Variants in UGT8 observed in about 807,000 individuals in gnomAD.
UGT8 encodes 2-hydroxyacylsphingosine 1-beta-galactosyltransferase.
UGT8 carries 12 observed loss-of-function variants against 40.5 expected under a neutral mutation model. The ratio of observed to expected loss-of-function variants is 0.30; its 90% CI spans 0.19 to 0.48. UGT8 has a LOEUF of 0.48. UGT8 is among the 20% of genes least tolerant of loss of function. UGT8 has a pLI of 0.99. For missense variants in UGT8, 513 were observed against 648.7 expected, an observed-to-expected ratio of 0.79 and a Z score of 2.27; for synonymous variants, 224 against 240.4, an observed-to-expected ratio of 0.93 and a Z score of 0.63.
At chr4:114,619,992 A>G (rs1411807346) in intron 1 of UGT8, among the ~76,000 whole-genome samples, 1 of 151,562 alleles carries the variant, frequency 6.6e-6, no homozygotes, top group African/African-American at 2.4e-5. Flanking sequence ...ATATTAAAAT[A>G]TAAGATAATT....
At chr4:114,660,083 T>C (rs895181984) in intron 2 of UGT8, among the ~76,000 whole-genome samples, 3 of 152,142 alleles carry the variant, frequency 2.0e-5, no homozygotes, top group Non-Finnish European at 4.4e-5. Flanking sequence ...ATTAAAGAAA[T>C]GATGCTGTAA....
intron 1 of UGT8, among the ~76,000 whole-genome samples, chr4:114,612,659 A>G (rs1233974435): frequency 2.6e-5 from 4 of 152,096 alleles, no homozygotes; most frequent in African/African-American, 9.7e-5. Flanking sequence ...GTTATTGATC[A>G]TTTTATTACT....
intron 2 of UGT8, among the ~76,000 whole-genome samples, chr4:114,642,195 G>A (rs35271056): frequency 0.17 from 26,429 of 151,644 alleles, 2,518 homozygotes; most frequent in Middle Eastern, 0.22. Flanking sequence ...CTTTTTCAAC[G>A]TATATTAACC....
intron 1 of UGT8, among the ~76,000 whole-genome samples, chr4:114,620,895 A>C (rs1731743309): frequency 1.3e-5 from 2 of 152,150 alleles, no homozygotes; most frequent in Admixed American, 6.6e-5. Flanking sequence ...TATTCTAAGG[A>C]GTAAAAATAG....
chr4:114,676,978 CAT>C lies in UGT8; in HGVS notation c.*691_*692del, dbSNP rs1464368316. ...AGTATGGCCACTTCTGGGGGAAAAA[CAT>C]GTAATTAAGTAAATGTATACATTGG... On this transcript the variant is annotated 3_prime_UTR_variant, in exon 6 of 6. Transcript: ENST00000310836. The C allele has an allele frequency of 6.6e-6, 1 of 150,960 alleles. No individual in the cohort carries two copies. The highest frequency in any genetic ancestry group is 1.5e-5 in the Non-Finnish European group (1 of 67,868). The allele number at this position is 150,960 out of a possible 1,614,324, so 9.4% of individuals were successfully genotyped here. A position where few individuals can be genotyped will look rare whatever the true frequency, so the allele number is the denominator to read the frequency against.
intron 2 of UGT8, among the ~76,000 whole-genome samples, chr4:114,632,914 C>T (rs1338728003): frequency 6.6e-6 from 1 of 152,188 alleles, no homozygotes. Flanking sequence ...CATTTCCAGA[C>T]TTTTTATCAG....
At chr4:114,636,229 T>C (rs1482159674) in intron 2 of UGT8, among the ~76,000 whole-genome samples, 2 of 152,352 alleles carry the variant, frequency 1.3e-5, no homozygotes. Context: ...TCAGTGCTTA[T>C]GTTGATTACT....
intron 1 of UGT8, among the ~76,000 whole-genome samples, chr4:114,614,812 C>T (rs1468480294): frequency 6.7e-6 from 1 of 149,566 alleles, no homozygotes; most frequent in Admixed American, 6.6e-5. Context: ...AAGGTTTTCA[C>T]TCAGATTGTA....
chr4:114,655,728 C>A lies in UGT8; in HGVS notation c.823-8267C>A, dbSNP rs1734146895. On this transcript the variant is annotated intron_variant, in intron 2 of 5. Coordinates refer to ENST00000310836, the MANE Select transcript of UGT8 (RefSeq NM_001128174.3). ...GGCATTTTTCTGCATAATCACAATA[C>A]AAACCATAAAAATAAGGAAATTAAC... 3.3e-5 allele frequency among the ~76,000 whole-genome samples: 5 copies of A among 151,914 alleles called. No individual in the cohort carries two copies. The South Asian group carries it at 1.0e-3, about 31-fold the overall frequency.
intron 1 of UGT8, among the ~76,000 whole-genome samples, chr4:114,614,585 T>G (rs1731285045): frequency 6.6e-6 from 1 of 152,224 alleles, no homozygotes; most frequent in African/African-American, 2.4e-5. Context: ...GATTAATTTA[T>G]TTCATTAAGT....
chr4:114,614,481 T>TAAAAGAGCA (rs1731275327), intron 1 of UGT8, among the ~76,000 whole-genome samples: 2 of 152,210 alleles, frequency 1.3e-5, no homozygotes, highest in African/African-American at 4.8e-5. Flanking sequence ...TTTATGCTCT[T>TAAAAGAGCA]TTAAATGAGT....
At chr4:114,665,460 T>C in intron 3 of UGT8, 1 of 985,304 alleles carries the variant, frequency 1.0e-6, no homozygotes, top group Non-Finnish European at 1.2e-6. Context: ...TAGATCTCTA[T>C]GTAAGCAAAT....
Position 114,664,094 on chromosome 4 carries a change from C to T in UGT8, c.922C>T (p.Leu308=), listed in dbSNP as rs1047210074. ...KYLSEDIANK[L]AGALGRLPQK... ...TCTGTCAGAAGACATTGCTAACAAACTGGCAGGAGCTCTGGGGAGATTGCC... is the reference window on the plus strand; with the variant it reads ...TCTGTCAGAAGACATTGCTAACAAATTGGCAGGAGCTCTGGGGAGATTGCC... Residue 308 remains leucine (L), a synonymous_variant, in exon 3 of 6, where the codon CTG becomes TTG. Coordinates refer to ENST00000310836, the MANE Select transcript of UGT8 (RefSeq NM_001128174.3). 6.2e-6 allele frequency: 10 copies of T among 1,613,898 alleles called. No homozygotes were observed. The African/African-American group carries it at 1.3e-4, about 22-fold the overall frequency.
At position 114,664,145 on chromosome 4, in the gene UGT8, A is replaced by G. The variant is rs367889805; in HGVS notation, c.965+8A>G. 3.1e-6 allele frequency: 5 copies of G among 1,613,024 alleles called. No individual in the cohort carries two copies. In the Middle Eastern group the frequency reaches 5.0e-4, roughly 160 times the overall value. On this transcript the variant is annotated splice_region_variant and intron_variant, in intron 3 of 5. Transcript: ENST00000310836. The stretch of plus-strand genomic sequence containing the variant: ...TCAAAAAGTGATTTGGAGGTAAGGT[A>G]ATAATGTAGATTGTTTCTTTGCTAT...
chr4:114,627,363 A>G (rs1251922334), intron 2 of UGT8, among the ~76,000 whole-genome samples: 3 of 148,624 alleles, frequency 2.0e-5, no homozygotes, highest in Non-Finnish European at 1.5e-5. Flanking sequence ...GGTTCAAGTG[A>G]TTCTCCTGCC....
chr4:114,612,307 A>T (rs1021726968), intron 1 of UGT8, among the ~76,000 whole-genome samples: 1 of 152,114 alleles, frequency 6.6e-6, no homozygotes, highest in African/African-American at 2.4e-5. Context: ...TTAATTTTTA[A>T]TCACAGGGAA....
intron 2 of UGT8, among the ~76,000 whole-genome samples, chr4:114,644,727 A>G (rs1237341297): frequency 6.6e-6 from 1 of 152,160 alleles, no homozygotes; most frequent in Non-Finnish European, 1.5e-5. Flanking sequence ...TATGCCTATT[A>G]AAATCACACC....
chr4:114,601,225 G>T (rs1214232750), intron 1 of UGT8, among the ~76,000 whole-genome samples: 1 of 152,024 alleles, frequency 6.6e-6, no homozygotes, highest in African/African-American at 2.4e-5. Context: ...ACTACTTTTC[G>T]TTTAAAGATT....
At chr4:114,674,049 G>A (rs1735465436) in intron 5 of UGT8, among the ~76,000 whole-genome samples, 1 of 152,044 alleles carries the variant, frequency 6.6e-6, no homozygotes, top group South Asian at 2.1e-4. Context: ...TCTGTTCACT[G>A]CCTCTCAATT....
Sources: gnomAD v4.1 joint callset for allele counts (sites outside exome capture counted in the v4.1 genomes callset) on GRCh38, gnomAD v4.1.1 for gene constraint, MANE v1.5 for transcripts, NCBI Gene and HGNC (gene_info 2026-07-23, HGNC 2026-07-21) for gene names.